CNTN6: variants seen among roughly 807,000 people sequenced by gnomAD.
The protein encoded by CNTN6 is contactin-6.
Under a neutral mutation model 122.8 loss-of-function variants are expected in CNTN6, and 137 were observed. The ratio of observed to expected loss-of-function variants is 1.12; its 90% confidence interval spans 0.97 to 1.29. The LOEUF is 1.29. Among genes scored for constraint, CNTN6 ranks in the 50% most tolerant of loss-of-function variants. The pLI, the probability that CNTN6 is intolerant of heterozygous loss-of-function variation, is 0.00. For missense variants in CNTN6, 1,634 were observed against 1,223.4 expected, an observed-to-expected ratio of 1.34 and a Z score of -5.01; for synonymous variants, 570 against 426.0, an observed-to-expected ratio of 1.34 and a Z score of -4.16.
chr3:1,364,957 T>C (rs1248909949), intron 12 of CNTN6, among the ~76,000 whole-genome samples: 1 of 152,010 alleles, frequency 6.6e-6, no homozygotes, highest in Non-Finnish European at 1.5e-5. Context: ...AAACTCTTCA[T>C]GAATGATTGT....
chr3:1,304,333 T>G lies in CNTN6; in HGVS notation c.761+6342T>G, dbSNP rs113631582. Among the ~76,000 whole-genome samples the G allele has an allele frequency of 4.5e-3, 686 of 152,276 alleles. 2 individuals carry two copies. The highest frequency in any genetic ancestry group is 0.016 in the African/African-American group (660 of 41,548). On this transcript the variant is annotated intron_variant, in intron 7 of 22. Transcript: ENST00000446702. The stretch of plus-strand genomic sequence containing the variant: ...TAGTTTTTCACTGTTTTTGAAATAC[T>G]AATTACGGAGGTAAATACAGTGAGG...
chr3:1,104,991 C>T (rs996789305), intron 1 of CNTN6, among the ~76,000 whole-genome samples: 3 of 151,944 alleles, frequency 2.0e-5, no homozygotes, highest in African/African-American at 7.2e-5. Context: ...TATCCTTGTA[C>T]CTGAATCTTT....
intron 5 of CNTN6, among the ~76,000 whole-genome samples, chr3:1,282,214 C>A (rs1387429687): frequency 1.3e-5 from 2 of 152,162 alleles, no homozygotes; most frequent in Non-Finnish European, 2.9e-5. Context: ...GTCCTTTCTT[C>A]TGCGTAAACG....
At chr3:1,375,135 G>A (rs112795271) in intron 16 of CNTN6, among the ~76,000 whole-genome samples, 4,986 of 151,998 alleles carry the variant, frequency 0.033, 110 homozygotes, top group South Asian at 0.052. Context: ...GAAATTCCCC[G>A]GCCCTCCTAT....
At chr3:1,130,422 C>T (rs2092306757) in intron 1 of CNTN6, among the ~76,000 whole-genome samples, 1 of 152,046 alleles carries the variant, frequency 6.6e-6, no homozygotes, top group Admixed American at 6.6e-5. Flanking sequence ...AGCAGAAGTG[C>T]CTGAGAGTTA....
At chr3:1,268,376 G>A (rs138118643) in intron 4 of CNTN6, among the ~76,000 whole-genome samples, 67,594 of 151,476 alleles carry the variant, frequency 0.45, 15,950 homozygotes, top group East Asian at 0.81. Context: ...GGGAGGCCGA[G>A]GCGGGCGGAT....
chr3:1,362,787 G>GATA (rs10663265), intron 12 of CNTN6, among the ~76,000 whole-genome samples: 146,777 of 151,896 alleles, frequency 0.97, 70,971 homozygotes, highest in East Asian at 1. Flanking sequence ...AACTGAAAAT[G>GATA]ATAAGTATCC....
At chr3:1,103,019 T>C (rs1337807491) in intron 1 of CNTN6, among the ~76,000 whole-genome samples, 4 of 150,550 alleles carry the variant, frequency 2.7e-5, no homozygotes, top group Non-Finnish European at 4.4e-5. Flanking sequence ...GGCAGGAGAA[T>C]GGCGGGAACC....
At chr3:1,224,468 T>G (rs1477902159) in intron 3 of CNTN6, among the ~76,000 whole-genome samples, 1 of 152,156 alleles carries the variant, frequency 6.6e-6, no homozygotes, top group African/African-American at 2.4e-5. Context: ...GTAATGAATA[T>G]GCTCATTACT....
At chr3:1,297,638 C>CTTTTTTTTTTT (rs71303106) in intron 6 of CNTN6, among the ~76,000 whole-genome samples, 2 of 138,542 alleles carry the variant, frequency 1.4e-5, no homozygotes, top group Non-Finnish European at 1.6e-5. Flanking sequence ...TTGTTTTTTT[C>CTTTTTTTTTTT]TTTTTTTTTT....
In CNTN6 at chr3:1,352,212, A is replaced by G. The variant is rs1043334534; in HGVS notation, c.1365-112A>G. 13 of 916,176 alleles carry G rather than the reference A, an allele frequency of 1.4e-5. No homozygotes were observed. In the East Asian group the frequency reaches 2.7e-4, roughly 19 times the overall value. 56.8% of individuals were successfully genotyped at this position (916,176 alleles called of 1,614,324 possible). On this transcript the variant is annotated intron_variant, in intron 11 of 22. Coordinates refer to ENST00000446702, the MANE Select transcript of CNTN6 (RefSeq NM_001289080.2). ...AGAATAATAGGAAAGGAAAAAATTC[A>G]TATTATCACATACACCCATGATTTT... is the stretch of plus-strand genomic sequence containing the variant.
In CNTN6 at chr3:1,108,492, G is replaced by GA. The variant is rs202061617; in HGVS notation, c.-83+15372_-83+15373insA. Among the ~76,000 whole-genome samples the GA allele has an allele frequency of 9.6e-3, 1,454 of 152,110 alleles. 29 individuals are homozygous for GA. The highest frequency in any genetic ancestry group is 0.033 in the African/African-American group (1,362 of 41,522). On this transcript the variant is annotated intron_variant, in intron 1 of 22. Coordinates refer to ENST00000446702, the MANE Select transcript of CNTN6 (RefSeq NM_001289080.2). The stretch of plus-strand genomic sequence containing the variant: ...CAGGTGTGGAATTTTTCAGTTTGGA[G>GA]TCCTGTTGGTGCTCAAAAAATTGTA...
At chr3:1,203,794 T>C (rs868345154) in intron 2 of CNTN6, among the ~76,000 whole-genome samples, 20 of 152,352 alleles carry the variant, frequency 1.3e-4, no homozygotes, top group Middle Eastern at 6.8e-3. Context: ...AGTCATGCAC[T>C]GCATAATAAC....
At chr3:1,170,384 G>A (rs2093339150) in intron 2 of CNTN6, among the ~76,000 whole-genome samples, 1 of 152,040 alleles carries the variant, frequency 6.6e-6, no homozygotes, top group Non-Finnish European at 1.5e-5. Flanking sequence ...CAAAATATGG[G>A]TAACGTAAGC....
intron 2 of CNTN6, among the ~76,000 whole-genome samples, chr3:1,204,278 A>C (rs1417120199): frequency 2.6e-5 from 4 of 152,072 alleles, no homozygotes; most frequent in African/African-American, 7.2e-5. Context: ...TAGCATCTTT[A>C]CTCTGAGACA....
At chr3:1,386,912 G>A (rs1446162099) in intron 20 of CNTN6, among the ~76,000 whole-genome samples, 1 of 152,072 alleles carries the variant, frequency 6.6e-6, no homozygotes, top group African/African-American at 2.4e-5. Context: ...GCGTATATAT[G>A]CGTATATTTG....
chr3:1,175,222 C>CA (rs61606722), intron 2 of CNTN6, among the ~76,000 whole-genome samples: 15,756 of 76,468 alleles, frequency 0.21, 1,714 homozygotes, highest in East Asian at 0.45. Context: ...GACTTTGTCT[C>CA]AAAAAAAAAA....
intron 2 of CNTN6, among the ~76,000 whole-genome samples, chr3:1,171,700 G>T (rs2093360912): frequency 6.6e-6 from 1 of 152,082 alleles, no homozygotes; most frequent in African/African-American, 2.4e-5. Flanking sequence ...TCGACCTCTT[G>T]TGCTCAAGTG....
At chr3:1,168,504 A>G (rs2125281889) in intron 2 of CNTN6, among the ~76,000 whole-genome samples, 1 of 151,384 alleles carries the variant, frequency 6.6e-6, no homozygotes, top group South Asian at 2.1e-4. Context: ...ACTGGCATCA[A>G]CTGTTCTAAG....
Sources: allele counts gnomAD v4.1 joint callset (sites outside exome capture counted in the v4.1 genomes callset), GRCh38; gene constraint gnomAD v4.1.1; transcripts MANE v1.5; gene names NCBI Gene and HGNC (gene_info 2026-07-23, HGNC 2026-07-21).